The following AGBL4 variants were observed in gnomAD, a reference collection of about 807,000 sequenced individuals.
The protein encoded by AGBL4 is AGBL carboxypeptidase 4, also known as cytosolic carboxypeptidase 6.
Under a neutral mutation model 66.4 loss-of-function variants are expected in AGBL4, and 58 were observed. The ratio of observed to expected loss-of-function variants is 0.87; its 90% CI spans 0.71 to 1.09. The LOEUF is 1.09. AGBL4 is among the 50% of genes least tolerant of loss of function. The pLI is 0.00. For synonymous variants in AGBL4, 234 were observed against 222.9 expected (o/e 1.05, Z -0.44); for missense variants, 579 against 631.0 (o/e 0.92, Z 0.88).
chr1:48,534,951 T>C (rs1643944786), intron 12 of AGBL4, 35 bp from the exon 13 acceptor site: 1 of 1,543,836 alleles, frequency 6.5e-7, no homozygotes, highest in Admixed American at 2.0e-5. Context: ...CCTTCCTGCC[T>C]CTTAGGCTCT....
At chr1:49,042,437 C>T (rs1228484296) in intron 5 of AGBL4, among the ~76,000 whole-genome samples, 1 of 152,094 alleles carries the variant, frequency 6.6e-6, no homozygotes, top group African/African-American at 2.4e-5. Flanking sequence ...GTTAGAGGAC[C>T]ACCAATTTTT....
chr1:49,381,156 A>T (rs1353595713), intron 3 of AGBL4, among the ~76,000 whole-genome samples: 2 of 152,084 alleles, frequency 1.3e-5, no homozygotes, highest in East Asian at 1.9e-4. Flanking sequence ...CAAGAAAAAA[A>T]CAAACAACCC....
At chr1:48,945,393 A>C (rs1557488162) in intron 5 of AGBL4, among the ~76,000 whole-genome samples, 1 of 152,188 alleles carries the variant, frequency 6.6e-6, no homozygotes, top group Non-Finnish European at 1.5e-5. Context: ...ACTGAGTCCC[A>C]GGGCACATTC....
intron 6 of AGBL4, among the ~76,000 whole-genome samples, chr1:48,789,532 T>G (rs543648224): frequency 7.2e-4 from 110 of 152,180 alleles, no homozygotes; most frequent in African/African-American, 2.5e-3. Context: ...CTTGTGATCC[T>G]ACCACCTTGG....
intron 6 of AGBL4, among the ~76,000 whole-genome samples, chr1:48,741,455 G>A (rs572742120): frequency 8.2e-4 from 125 of 152,312 alleles, no homozygotes; most frequent in African/African-American, 2.8e-3. Flanking sequence ...CAAAGCTGAC[G>A]TTTCAAGCCT....
intron 6 of AGBL4, among the ~76,000 whole-genome samples, chr1:48,838,387 G>C (rs903413454): frequency 1.3e-5 from 2 of 151,888 alleles, no homozygotes; most frequent in African/African-American, 4.8e-5. Context: ...ATAAATCCAC[G>C]TATTTAATTA....
chr1:49,549,982 G>A (rs1227855308), intron 3 of AGBL4, among the ~76,000 whole-genome samples: 6 of 152,054 alleles, frequency 3.9e-5, no homozygotes, highest in African/African-American at 7.2e-5. Flanking sequence ...GTGCATATAT[G>A]TTTAGGATTG....
Position 48,798,890 on chromosome 1 carries a change from A to G in AGBL4, c.634+68301T>C, listed in dbSNP as rs574051637. Among the ~76,000 whole-genome samples, 4 of 152,274 alleles carry G rather than the reference A, an allele frequency of 2.6e-5. No homozygotes were observed. In the South Asian group the frequency reaches 8.3e-4, roughly 32 times the overall value. On this transcript the variant is annotated intron_variant, in intron 6 of 13. Transcript: ENST00000371839. Reference sequence around the variant, plus strand: ...CAATAGTCTATATGCCTATTTTTATATCAGTACCATGCTGTACCACGTAAC... The same window carrying G: ...CAATAGTCTATATGCCTATTTTTATGTCAGTACCATGCTGTACCACGTAAC...
At chr1:48,748,342 T>C (rs972539010) in intron 6 of AGBL4, among the ~76,000 whole-genome samples, 9 of 152,314 alleles carry the variant, frequency 5.9e-5, no homozygotes, top group Non-Finnish European at 1.5e-5. Context: ...GAGACAAATC[T>C]GGTTTCATTC....
rs1655529173 is a variant in AGBL4, at chr1:49,948,059, T to TAAATATATATATAC, written c.34+75703_34+75704insGTATATATATATTT. Among the ~76,000 whole-genome samples, 48 of 91,882 alleles carry TAAATATATATATAC rather than the reference T, an allele frequency of 5.2e-4. 3 individuals carry two copies. Among genetic ancestry groups the TAAATATATATATAC allele is most frequent in the African/African-American group, 1.3e-3 (26 of 20,792 alleles). The allele number at this position is 91,882 out of a possible 152,430, so 60.3% of individuals were successfully genotyped here. ...ATACATATAAATATATAAATATATA[T>TAAATATATATATAC]ATGTAAATATATGTAAATATATGTA... On this transcript the variant is annotated intron_variant, in intron 1 of 13. Coordinates refer to ENST00000371839, the MANE Select transcript of AGBL4 (RefSeq NM_032785.4).
intron 4 of AGBL4, among the ~76,000 whole-genome samples, chr1:49,072,182 C>T (rs1296519545): frequency 3.3e-5 from 5 of 152,084 alleles, no homozygotes; most frequent in African/African-American, 1.2e-4. Flanking sequence ...ACCAATGGGT[C>T]TTGACTCTGT....
chr1:48,594,006 T>C (rs1315266326), intron 9 of AGBL4, among the ~76,000 whole-genome samples: 3 of 152,102 alleles, frequency 2.0e-5, no homozygotes, highest in African/African-American at 7.2e-5. Flanking sequence ...TTTTACTGTA[T>C]AGTTAAGAAT....
intron 5 of AGBL4, among the ~76,000 whole-genome samples, chr1:48,890,364 A>G (rs1650819081): frequency 6.6e-6 from 1 of 152,040 alleles, no homozygotes; most frequent in Non-Finnish European, 1.5e-5. Context: ...AAAAATTCCT[A>G]CCTTTGCAGG....
At chr1:48,548,946 GT>G (rs1289130548) in intron 11 of AGBL4, among the ~76,000 whole-genome samples, 16 of 152,170 alleles carry the variant, frequency 1.1e-4, no homozygotes, top group Admixed American at 3.9e-4. Flanking sequence ...GCCAGACACT[GT>G]TCTAGGAGCT....
At chr1:49,561,931 A>G (rs891746943) in intron 3 of AGBL4, among the ~76,000 whole-genome samples, 1 of 151,996 alleles carries the variant, frequency 6.6e-6, no homozygotes, top group Admixed American at 6.6e-5. Flanking sequence ...CCAACAGTGT[A>G]AAAGTGTTCC....
chr1:48,801,643 T>TG (rs1428293714), intron 6 of AGBL4, among the ~76,000 whole-genome samples: 1 of 152,186 alleles, frequency 6.6e-6, no homozygotes, highest in Non-Finnish European at 1.5e-5. Flanking sequence ...GGTTCCCCAG[T>TG]GGGGATGTGT....
At chr1:49,278,514 G>A (rs1644215454) in intron 3 of AGBL4, among the ~76,000 whole-genome samples, 1 of 152,116 alleles carries the variant, frequency 6.6e-6, no homozygotes, top group African/African-American at 2.4e-5. Flanking sequence ...AAGTCATCAG[G>A]TACTGTCAGA....
chr1:48,560,450 G>A (rs1644380755), intron 11 of AGBL4, among the ~76,000 whole-genome samples: 1 of 152,152 alleles, frequency 6.6e-6, no homozygotes, highest in Non-Finnish European at 1.5e-5. Flanking sequence ...GGTTATAGAA[G>A]GCCAGTGAGC....
At chr1:49,322,467 G>A (rs1329415524) in intron 3 of AGBL4, among the ~76,000 whole-genome samples, 1 of 152,138 alleles carries the variant, frequency 6.6e-6, no homozygotes, top group African/African-American at 2.4e-5. Flanking sequence ...CCAAATCACT[G>A]GAACTTGTGG....
Sources: allele counts gnomAD v4.1 joint callset (sites outside exome capture counted in the v4.1 genomes callset), GRCh38; gene constraint gnomAD v4.1.1; transcripts MANE v1.5; gene names NCBI Gene and HGNC (gene_info 2026-07-23, HGNC 2026-07-21).